The following DENND2A variants were observed in gnomAD, a reference collection of about 807,000 sequenced individuals.
DENND2A encodes the protein DENN domain containing 2A, also known as DENN domain-containing protein 2A.
DENND2A carries 53 observed loss-of-function variants against 105.3 expected under a neutral mutation model. The ratio of observed to expected loss-of-function variants is 0.50; its 90% confidence interval spans 0.40 to 0.63. The LOEUF (loss-of-function observed/expected upper bound fraction) is 0.63, where lower values mean the gene tolerates loss of function less well. Ranked by LOEUF, DENND2A falls within the 30% of genes least tolerant of loss-of-function variation. DENND2A has a pLI of 0.00. For synonymous variants in DENND2A, 522 were observed against 508.4 expected (o/e 1.03, Z -0.36); for missense variants, 1,138 against 1,279.6 (o/e 0.89, Z 1.69).
intron 7 of DENND2A, 72 bp downstream of exon 7, chr7:140,569,573 A>G: frequency 1.8e-6 from 2 of 1,081,902 alleles, no homozygotes; most frequent in Non-Finnish European, 2.9e-6. Context: ...ACCAGAAAAA[A>G]CAGGAAGCCA....
chr7:140,558,179 A>G lies in DENND2A; in HGVS notation c.1923T>C (p.Asp641=), dbSNP rs1411404180. ...GGCAGTAACCGAACCTTCTGCTCCCATCTTCTCCAGTTAAGACAAATGAGA... is the reference window on the plus strand; with the variant it reads ...GGCAGTAACCGAACCTTCTGCTCCCGTCTTCTCCAGTTAAGACAAATGAGA... ...ETFSFVLTGE[D]GSRRFGYCRR... The change falls in exon 11 of 20, where the codon GAT becomes GAC. Residue 641 remains aspartate (D), a synonymous_variant. Transcript: ENST00000496613. The G allele has an allele frequency of 5.0e-6, 8 of 1,613,568 alleles. No individual in the cohort carries two copies. The African/African-American group carries it at 5.3e-5, about 11-fold the overall frequency.
At chr7:140,602,586 C>T (rs1373847232) in intron 2 of DENND2A, 44 bp from the exon 3 acceptor site, 4 of 494,924 alleles carry the variant, frequency 8.1e-6, no homozygotes, top group Non-Finnish European at 1.3e-5. Flanking sequence ...TCTTATTGTT[C>T]TTGGCTGGTC....
intron 7 of DENND2A, among the ~76,000 whole-genome samples, chr7:140,569,123 G>A (rs144632483): frequency 4.6e-5 from 7 of 152,182 alleles, no homozygotes; most frequent in Non-Finnish European, 1.0e-4. Context: ...ACAAGGTTTT[G>A]CCATGTTGGC....
At chr7:140,550,295 C>T (rs185415685) in intron 12 of DENND2A, among the ~76,000 whole-genome samples, 3 of 152,016 alleles carry the variant, frequency 2.0e-5, no homozygotes, top group Non-Finnish European at 1.5e-5. Flanking sequence ...CAGGTTCAAA[C>T]GATTCTCCTG....
At chr7:140,519,187 T>C (rs1048684722) in intron 19 of DENND2A, among the ~76,000 whole-genome samples, 4 of 152,202 alleles carry the variant, frequency 2.6e-5, no homozygotes, top group African/African-American at 7.2e-5. Flanking sequence ...CTCCGTCCTC[T>C]TTTTTGGCTG....
Position 140,601,915 on chromosome 7 carries a change from C to A in DENND2A, c.483G>T (p.Lys161Asn). The change falls in exon 3 of 20, where the codon AAG becomes AAT. Residue 161 changes from lysine to asparagine, a missense_variant. By Grantham distance (94) the Lys-to-Asn change is moderately conservative. Transcript: ENST00000496613. ...RFQNDPLSVLKQVKKLEQALK... is the reference protein window; with the variant it reads ...RFQNDPLSVLNQVKKLEQALK... ...AAGCCTGCTCGAGTTTCTTGACCTG[C>A]TTCAGCACGGAGAGGGGATCGTTCT... is the stretch of plus-strand genomic sequence containing the variant. The A allele has an allele frequency of 6.2e-7, 1 of 1,614,202 alleles. No homozygotes were observed. The highest frequency in any genetic ancestry group is 1.1e-5 in the South Asian group (1 of 91,090).
intron 6 of DENND2A, 127 bp downstream of exon 6, chr7:140,573,681 C>A: frequency 9.0e-7 from 1 of 1,112,662 alleles, no homozygotes; most frequent in East Asian, 2.4e-5. Context: ...ACTGTGTCCC[C>A]CTGGCCTGCA....
intron 5 of DENND2A, among the ~76,000 whole-genome samples, chr7:140,582,454 C>T (rs980044904): frequency 6.6e-6 from 1 of 152,220 alleles, no homozygotes; most frequent in Non-Finnish European, 1.5e-5. Flanking sequence ...CCAATGAAAA[C>T]ACCAACAACA....
chr7:140,621,404 A>G (rs1373428761), intron 1 of DENND2A, among the ~76,000 whole-genome samples: 1 of 152,138 alleles, frequency 6.6e-6, no homozygotes, highest in African/African-American at 2.4e-5. Context: ...TGCTACGTAA[A>G]TAGTTGTTAT....
chr7:140,535,971 C>T (rs577297855), intron 14 of DENND2A, among the ~76,000 whole-genome samples: 29 of 152,242 alleles, frequency 1.9e-4, no homozygotes, highest in African/African-American at 7.0e-4. Context: ...TTGAGGCCAT[C>T]AAAAGAACGA....
chr7:140,632,488 G>A (rs1459712442), intron 1 of DENND2A, among the ~76,000 whole-genome samples: 1 of 152,208 alleles, frequency 6.6e-6, no homozygotes, highest in South Asian at 2.1e-4. Context: ...GCCTTTACCA[G>A]CGTGGCCACA....
chr7:140,553,819 T>C (rs565604972), intron 12 of DENND2A, among the ~76,000 whole-genome samples: 43 of 152,302 alleles, frequency 2.8e-4, no homozygotes, highest in East Asian at 1.2e-3. Flanking sequence ...GGGGTAAGGT[T>C]ATAGATTAAC....
At position 140,559,635 on chromosome 7, in the gene DENND2A, C is replaced by G. The variant is rs555710940; in HGVS notation, c.1889+73G>C. 2.7e-6 allele frequency: 3 copies of G among 1,099,128 alleles called. No homozygotes were observed. The African/African-American group carries it at 4.6e-5, about 17-fold the overall frequency. The allele number at this position is 1,099,128 out of a possible 1,614,324, so 68.1% of individuals were successfully genotyped here. On this transcript the variant is annotated intron_variant, in intron 10 of 19. Transcript: ENST00000496613. The surrounding 1 kb of genome is among the most constrained non-coding windows in gnomAD (Gnocchi z 4.1). ...TAACGGTGGGAATGACTCATGTGGT[C>G]TGCCACCTGTAACCCCGTCTCTAAG...
chr7:140,544,384 G>T, intron 14 of DENND2A: 1 of 595,002 alleles, frequency 1.7e-6, no homozygotes, highest in Non-Finnish European at 3.0e-6. Context: ...TAGTAGAGAC[G>T]GAGTTTCACC....
rs570894656 is a variant in DENND2A, at chr7:140,564,100, T to C, written c.1779+2986A>G. On this transcript the variant is annotated intron_variant, in intron 9 of 19. Transcript: ENST00000496613. ...GAGTTTGAGACCAGTCTGACCATTA[T>C]GGTGAAACCCCATCTCTACTAAAAA... is the stretch of plus-strand genomic sequence containing the variant. Among the ~76,000 whole-genome samples the C allele has an allele frequency of 9.2e-5, 14 of 152,248 alleles. No homozygotes were observed. The East Asian group carries it at 2.5e-3, about 27-fold the overall frequency.
chr7:140,558,591 G>T (rs1307724266), intron 10 of DENND2A, among the ~76,000 whole-genome samples: 2 of 151,930 alleles, frequency 1.3e-5, no homozygotes, highest in African/African-American at 4.8e-5. Flanking sequence ...AGCTACTGGG[G>T]AGGCTGAGGC....
At chr7:140,621,643 T>G (rs796382104) in intron 1 of DENND2A, among the ~76,000 whole-genome samples, 12 of 152,322 alleles carry the variant, frequency 7.9e-5, no homozygotes, top group African/African-American at 2.9e-4. Context: ...AACTAATATT[T>G]GTGCCTGCTT....
intron 1 of DENND2A, among the ~76,000 whole-genome samples, chr7:140,606,556 T>C (rs1339376923): frequency 6.6e-6 from 1 of 152,178 alleles, no homozygotes; most frequent in Non-Finnish European, 1.5e-5. Context: ...TTCACAGGGA[T>C]ACTCTACCCT....
At chr7:140,561,659 A>C (rs1585636150) in intron 9 of DENND2A, among the ~76,000 whole-genome samples, 1 of 144,812 alleles carries the variant, frequency 6.9e-6, no homozygotes, top group East Asian at 2.0e-4. Flanking sequence ...ATGCACCACC[A>C]CACCTAGCTA....
Sources: allele counts gnomAD v4.1 joint callset (sites outside exome capture counted in the v4.1 genomes callset), GRCh38; gene constraint gnomAD v4.1.1; non-coding constraint Gnocchi (gnomAD v3.1); transcripts MANE v1.5; gene names NCBI Gene and HGNC (gene_info 2026-07-23, HGNC 2026-07-21).